COL26A1: variants seen among roughly 807,000 people sequenced by gnomAD.
The protein encoded by COL26A1 is collagen alpha-1(XXVI) chain.
In COL26A1, 41 loss-of-function variants were observed where a neutral mutation model predicts 59.3. The observed-to-expected ratio is 0.69, with a 90% CI of 0.54 to 0.90. COL26A1 has a LOEUF of 0.90. COL26A1 is among the 40% of genes least tolerant of loss of function. The probability of loss-of-function intolerance (pLI) is 0.00; values close to 1 mark genes in which losing one functional copy is unlikely to be tolerated. For missense variants in COL26A1, 612 were observed against 602.3 expected, an observed-to-expected ratio of 1.02 and a Z score of -0.17; for synonymous variants, 266 against 256.0, an observed-to-expected ratio of 1.04 and a Z score of -0.37.
intron 1 of COL26A1, among the ~76,000 whole-genome samples, chr7:101,376,889 G>A (rs369810892): frequency 1.3e-4 from 20 of 152,086 alleles, no homozygotes; most frequent in African/African-American, 4.6e-4. Flanking sequence ...GGCAGAGTCT[G>A]GCTCTGTCAC....
intron 1 of COL26A1, among the ~76,000 whole-genome samples, chr7:101,391,854 C>CTTTCTTTTCTTTTCT (rs139380820): frequency 0.034 from 5,020 of 149,308 alleles, 148 homozygotes; most frequent in East Asian, 0.15. Context: ...CATGCCAAGC[C>CTTTCTTTTCTTTTCT]TTTCTTTTCT....
Position 101,394,469 on chromosome 7 carries a change from CAAT to C in COL26A1, c.159-25503_159-25501del, listed in dbSNP as rs1791805121. 2.6e-5 allele frequency among the ~76,000 whole-genome samples: 4 copies of C among 152,098 alleles called. No homozygotes were observed. The South Asian group carries it at 8.3e-4, about 32-fold the overall frequency. ...TTGCCCAGGCTAAAGTGCAATGGTA[CAAT>C]AATAGCTCACTGCAGCCTCGAATTC... On this transcript the variant is annotated intron_variant, in intron 1 of 12. Coordinates refer to ENST00000313669, the MANE Select transcript of COL26A1 (RefSeq NM_001278563.3).
At chr7:101,442,762 ATG>A (rs1793090264) in intron 2 of COL26A1, among the ~76,000 whole-genome samples, 1 of 152,118 alleles carries the variant, frequency 6.6e-6, no homozygotes, top group African/African-American at 2.4e-5. Context: ...GAATAGGTGC[ATG>A]TGTGTGTACA....
At chr7:101,518,664 G>A (rs1174316689) in intron 3 of COL26A1, among the ~76,000 whole-genome samples, 3 of 152,294 alleles carry the variant, frequency 2.0e-5, no homozygotes, top group East Asian at 3.9e-4. Context: ...TGAACAATGC[G>A]ATCCTCAGAA....
At chr7:101,547,654 G>T (rs530961356) in intron 8 of COL26A1, among the ~76,000 whole-genome samples, 6 of 152,340 alleles carry the variant, frequency 3.9e-5, no homozygotes, top group African/African-American at 1.4e-4. Context: ...CCTCATTGGG[G>T]GAAGAATGCA....
At chr7:101,473,786 T>A (rs934269944) in intron 3 of COL26A1, among the ~76,000 whole-genome samples, 1 of 151,892 alleles carries the variant, frequency 6.6e-6, no homozygotes, top group Non-Finnish European at 1.5e-5. Context: ...GCTGGGAGGT[T>A]GAGGCTGCAG....
At chr7:101,503,847 G>T (rs1482849427) in intron 3 of COL26A1, among the ~76,000 whole-genome samples, 2 of 152,136 alleles carry the variant, frequency 1.3e-5, no homozygotes, top group Non-Finnish European at 2.9e-5. Flanking sequence ...ACATGAGTAG[G>T]GAGCAATGGC....
At chr7:101,503,848 G>A (rs1794753166) in intron 3 of COL26A1, among the ~76,000 whole-genome samples, 1 of 152,126 alleles carries the variant, frequency 6.6e-6, no homozygotes, top group African/African-American at 2.4e-5. Context: ...CATGAGTAGG[G>A]AGCAATGGCC....
At chr7:101,534,511 C>G (rs920928755) in intron 4 of COL26A1, among the ~76,000 whole-genome samples, 1 of 152,116 alleles carries the variant, frequency 6.6e-6, no homozygotes, top group Non-Finnish European at 1.5e-5. Flanking sequence ...TACAGACACA[C>G]ACATTTGCAC....
chr7:101,529,028 C>T (rs1026723424), intron 3 of COL26A1, among the ~76,000 whole-genome samples: 6 of 151,798 alleles, frequency 4.0e-5, no homozygotes, highest in South Asian at 2.1e-4. Context: ...TAGCCAGGCA[C>T]GGTGGCACGT....
rs1364289444 is a variant in COL26A1, at chr7:101,553,383, A to G, written c.1080+7A>G. ...GAAAGCCGCCACTGCAGAGGTAACC[A>G]TGGCTGCCCTTCACGTTCCCTCCCG... On this transcript the variant is annotated splice_region_variant and intron_variant, in intron 11 of 12. Transcript: ENST00000313669. 1 of 1,613,410 alleles carries G rather than the reference A, an allele frequency of 6.2e-7. No individual in the cohort carries two copies. The highest frequency in any genetic ancestry group is 1.1e-5 in the South Asian group (1 of 91,060).
rs375191896 is a variant in COL26A1 at position 101,496,414 on chromosome 7, C to T, written c.386-36668C>T. On this transcript the variant is annotated intron_variant, in intron 3 of 12. Coordinates refer to ENST00000313669, the MANE Select transcript of COL26A1 (RefSeq NM_001278563.3). ...ATGGGAGGAAACCTCAAATCTATCT[C>T]CCTGAGGAGTTTGGGGCTGGGGTTT... Among the ~76,000 whole-genome samples the T allele has an allele frequency of 5.3e-5, 8 of 152,306 alleles. No homozygotes were observed. The East Asian group carries it at 1.3e-3, about 26-fold the overall frequency.
At chr7:101,520,277 T>G (rs1795112629) in intron 3 of COL26A1, among the ~76,000 whole-genome samples, 1 of 152,072 alleles carries the variant, frequency 6.6e-6, no homozygotes, top group Non-Finnish European at 1.5e-5. Context: ...AACACCTGCC[T>G]GGGGCAGGCA....
chr7:101,410,640 G>T (rs965910973), intron 1 of COL26A1, among the ~76,000 whole-genome samples: 2 of 152,068 alleles, frequency 1.3e-5, no homozygotes, highest in Non-Finnish European at 2.9e-5. Flanking sequence ...TCAGCCTCCT[G>T]AGTAGCTGGG....
chr7:101,394,752 T>A (rs542305490), intron 1 of COL26A1, among the ~76,000 whole-genome samples: 1 of 151,588 alleles, frequency 6.6e-6, no homozygotes, highest in East Asian at 2.0e-4. Context: ...ATCTGTAGAA[T>A]GGTCTCAGTA....
intron 3 of COL26A1, among the ~76,000 whole-genome samples, chr7:101,471,571 GTTTTTT>G (rs71517177): frequency 1.1e-5 from 1 of 92,968 alleles, no homozygotes; most frequent in African/African-American, 3.9e-5. Context: ...GTTGTTGTTT[GTTTTTT>G]TTTTTTTTTT....
intron 3 of COL26A1, among the ~76,000 whole-genome samples, chr7:101,451,261 A>C (rs190967126): frequency 7.6e-5 from 11 of 145,538 alleles, no homozygotes; most frequent in African/African-American, 2.5e-4. Flanking sequence ...TAATATATAC[A>C]ATATGAAAGA....
Position 101,385,231 on chromosome 7 carries a change from CTA to C in COL26A1, c.158+22060_158+22061del, listed in dbSNP as rs1195666668. ...CTATATATACACACACACACACACACTATATATATATATATATATACACACAC... is the reference window on the plus strand; with the variant it reads ...CTATATATACACACACACACACACACTATATATATATATATATACACACAC... On this transcript the variant is annotated intron_variant, in intron 1 of 12. Coordinates refer to ENST00000313669, the MANE Select transcript of COL26A1 (RefSeq NM_001278563.3). Among the ~76,000 whole-genome samples, 124 of 58,006 alleles carry C rather than the reference CTA, an allele frequency of 2.1e-3. 1 individual carries two copies. Among genetic ancestry groups the C allele is most frequent in the East Asian group, 0.013 (26 of 1,966 alleles). 38.1% of individuals were successfully genotyped at this position (58,006 alleles called of 152,430 possible). A position where few individuals can be genotyped will look rare whatever the true frequency, so the allele number is the denominator to read the frequency against.
chr7:101,403,630 G>A (rs554677034), intron 1 of COL26A1, among the ~76,000 whole-genome samples: 29 of 152,164 alleles, frequency 1.9e-4, no homozygotes, highest in African/African-American at 6.5e-4. Context: ...CTCCTGCCTC[G>A]ACCTCTCAAA....
Sources: allele counts gnomAD v4.1 joint callset (sites outside exome capture counted in the v4.1 genomes callset), GRCh38; gene constraint gnomAD v4.1.1; transcripts MANE v1.5; gene names NCBI Gene and HGNC (gene_info 2026-07-23, HGNC 2026-07-21).